The following ERC1 variants were observed in gnomAD, a reference collection of about 807,000 sequenced individuals.
ERC1 encodes ELKS/RAB6-interacting/CAST family member 1, also known as RAB6 interacting protein 2.
In ERC1, 56 loss-of-function variants were observed where a neutral mutation model predicts 132.0. That is an observed-to-expected ratio of 0.42 (90% CI 0.34 to 0.53). ERC1 has a LOEUF of 0.53. Among genes scored for constraint, ERC1 ranks in the 20% least tolerant of loss-of-function variants. The pLI is 0.03. For synonymous variants in ERC1, 478 were observed against 476.1 expected, an observed-to-expected ratio of 1.00 and a Z score of -0.05; for missense variants, 1,202 against 1,349.9, an observed-to-expected ratio of 0.89 and a Z score of 1.72.
At chr12:1,371,667 G>A (rs550990098) in intron 15 of ERC1, among the ~76,000 whole-genome samples, 166 bp from the exon 16 acceptor site, 8 of 149,358 alleles carry the variant, frequency 5.4e-5, no homozygotes, top group Admixed American at 5.3e-4. Context: ...CAAAATGGGG[G>A]TACTGATAAT....
intron 15 of ERC1, among the ~76,000 whole-genome samples, chr12:1,324,311 C>T (rs777026564): frequency 6.6e-6 from 1 of 152,094 alleles, no homozygotes; most frequent in African/African-American, 2.4e-5. Flanking sequence ...CAAAGTCTAC[C>T]CTAGGAGCAA....
chr12:1,154,259 G>A (rs1298644077), intron 8 of ERC1, among the ~76,000 whole-genome samples: 1 of 137,118 alleles, frequency 7.3e-6, no homozygotes, highest in Non-Finnish European at 1.6e-5. Context: ...ATATGTATAT[G>A]TGTATATATA....
chr12:1,106,840 A>G (rs1945320208), intron 4 of ERC1, among the ~76,000 whole-genome samples: 1 of 152,192 alleles, frequency 6.6e-6, no homozygotes. Context: ...CAATGGATGC[A>G]TTTTAAGTTG....
chr12:1,473,336 G>A (rs1054577404), intron 18 of ERC1, among the ~76,000 whole-genome samples: 6 of 152,046 alleles, frequency 3.9e-5, no homozygotes, highest in South Asian at 4.1e-4. Flanking sequence ...CCAAACTCTC[G>A]TTTTTATTAT....
At chr12:1,239,603 AG>A (rs2075665387) in intron 13 of ERC1, among the ~76,000 whole-genome samples, 1 of 152,160 alleles carries the variant, frequency 6.6e-6, no homozygotes, top group Non-Finnish European at 1.5e-5. Flanking sequence ...GTACGGTCCC[AG>A]CTACTGTAGA....
chr12:1,333,254 A>T (rs897662574), intron 15 of ERC1, among the ~76,000 whole-genome samples: 6 of 151,216 alleles, frequency 4.0e-5, no homozygotes, highest in African/African-American at 1.5e-4. Flanking sequence ...CTCCAGCTCC[A>T]TCCATGTGCC....
At chr12:1,478,462 T>C (rs559390996) in intron 18 of ERC1, among the ~76,000 whole-genome samples, 1 of 152,352 alleles carries the variant, frequency 6.6e-6, no homozygotes, top group South Asian at 2.1e-4. Context: ...TCTTCTCCTG[T>C]GGACTGCCCT....
At chr12:1,155,357 G>GCAGTCC (rs752935374) in intron 8 of ERC1, among the ~76,000 whole-genome samples, 1 of 146,340 alleles carries the variant, frequency 6.8e-6, no homozygotes, top group African/African-American at 2.5e-5. Flanking sequence ...ATTTCATCCA[G>GCAGTCC]CAGTCCCACT....
intron 8 of ERC1, among the ~76,000 whole-genome samples, chr12:1,159,912 A>G (rs918857657): frequency 6.6e-6 from 1 of 152,180 alleles, no homozygotes; most frequent in Non-Finnish European, 1.5e-5. Flanking sequence ...TTCTTGTTTA[A>G]CGATGTAATG....
At chr12:1,131,453 C>T (rs897963869) in intron 7 of ERC1, among the ~76,000 whole-genome samples, 4 of 152,146 alleles carry the variant, frequency 2.6e-5, no homozygotes, top group South Asian at 4.2e-4. Context: ...AGTTAAGGTA[C>T]GTTGAGAGAA....
intron 1 of ERC1, among the ~76,000 whole-genome samples, chr12:1,009,213 C>G (rs528617831): frequency 1.3e-5 from 2 of 149,832 alleles, no homozygotes; most frequent in Non-Finnish European, 3.0e-5. Context: ...CTCTCTCTGT[C>G]GCCCAGGCTG....
chr12:1,231,983 C>A lies in ERC1; in HGVS notation c.2352-4786C>A, dbSNP rs146730457. 5.8e-3 allele frequency among the ~76,000 whole-genome samples: 888 copies of A among 152,316 alleles called. 9 individuals carry two copies. Among genetic ancestry groups the A allele is most frequent in the Middle Eastern group, 0.024 (7 of 294 alleles). Reference sequence around the variant, plus strand: ...TTCGATCTCCTGACCTCATGATCCACCCACCTCAGCCTCCTAAAGTGCTGG... The same window carrying A: ...TTCGATCTCCTGACCTCATGATCCAACCACCTCAGCCTCCTAAAGTGCTGG... On this transcript the variant is annotated intron_variant, in intron 12 of 18. Coordinates refer to ENST00000360905, the MANE Select transcript of ERC1 (RefSeq NM_178040.4).
intron 12 of ERC1, among the ~76,000 whole-genome samples, chr12:1,227,027 A>C (rs1321911192): frequency 6.6e-6 from 1 of 152,056 alleles, no homozygotes; most frequent in African/African-American, 2.4e-5. Context: ...TATATGCCAC[A>C]TTTTCTTTAT....
In ERC1 at chr12:1,384,153, T is replaced by C. The variant is rs146720986; in HGVS notation, c.2925+12176T>C. Among the ~76,000 whole-genome samples the C allele has an allele frequency of 2.0e-3, 298 of 152,362 alleles. 1 individual carries two copies. Among genetic ancestry groups the C allele is most frequent in the African/African-American group, 6.5e-3 (269 of 41,580 alleles). On this transcript the variant is annotated intron_variant, in intron 16 of 18. Transcript: ENST00000360905. ...TACTCTGTTGTAATAAATAGTACTT[T>C]AATCTACCCTTATAAATTACAGTGA...
chr12:1,041,527 A>T (rs1178025134), intron 2 of ERC1, among the ~76,000 whole-genome samples: 1 of 152,056 alleles, frequency 6.6e-6, no homozygotes, highest in Non-Finnish European at 1.5e-5. Flanking sequence ...TGTCTCTCTA[A>T]GGAAAGGAGG....
At chr12:998,413 A>G (rs1961403613) in intron 1 of ERC1, 1 of 152,158 alleles carries the variant, frequency 6.6e-6, no homozygotes, top group African/African-American at 2.4e-5. Flanking sequence ...CTACTTGGGG[A>G]GGCTGTTTCC....
At position 1,238,000 on chromosome 12, in the gene ERC1, T is replaced by TC. The variant is rs548004230; in HGVS notation, c.2487+1097dup. Among the ~76,000 whole-genome samples, 250 of 152,322 alleles carry TC rather than the reference T, an allele frequency of 1.6e-3. 1 individual carries two copies. The highest frequency in any genetic ancestry group is 6.8e-3 in the Middle Eastern group (2 of 294). ...GAAGACTCTACTTTTTACTTCTTTTTCTCATTCCTCTTTTATGTAACTTTT... is the reference window on the plus strand; with the variant it reads ...GAAGACTCTACTTTTTACTTCTTTTTCCTCATTCCTCTTTTATGTAACTTTT... On this transcript the variant is annotated intron_variant, in intron 13 of 18. Transcript: ENST00000360905.
chr12:1,325,237 G>A (rs77195151), intron 15 of ERC1, among the ~76,000 whole-genome samples: 5 of 152,176 alleles, frequency 3.3e-5, no homozygotes, highest in East Asian at 3.9e-4. Context: ...GTAATAAAAC[G>A]TATCAATGTT....
chr12:1,196,806 T>TTCTCTCTCTCTCTCTCTC (rs755412381), intron 12 of ERC1, among the ~76,000 whole-genome samples: 970 of 90,300 alleles, frequency 0.011, 76 homozygotes, highest in Middle Eastern at 0.019. Context: ...CGCACGCTAT[T>TTCTCTCTCTCTCTCTCTC]TCTCTCTCTC....
Sources: gnomAD v4.1 joint callset for allele counts (sites outside exome capture counted in the v4.1 genomes callset) on GRCh38, gnomAD v4.1.1 for gene constraint, MANE v1.5 for transcripts, NCBI Gene and HGNC (gene_info 2026-07-23, HGNC 2026-07-21) for gene names.